The following XPO7 variants were observed in gnomAD, a reference collection of about 807,000 sequenced individuals.
XPO7 encodes exportin 7.
In XPO7, 21 loss-of-function variants were observed where a neutral mutation model predicts 144.3. The ratio of observed to expected loss-of-function variants is 0.15; its 90% CI spans 0.10 to 0.21. XPO7 has a LOEUF of 0.21. Ranked by LOEUF, XPO7 falls within the 10% of genes least tolerant of loss-of-function variation. The pLI, the probability that XPO7 is intolerant of heterozygous loss-of-function variation, is 1.00. For missense variants in XPO7, 808 were observed against 1,325.8 expected, an observed-to-expected ratio of 0.61 and a Z score of 6.06; for synonymous variants, 580 against 499.6, an observed-to-expected ratio of 1.16 and a Z score of -2.15.
chr8:22,005,145 G>T lies in XPO7; in HGVS notation c.*57G>T. ...CGTCCCTTTGGTTTGGCCCAGAGGGGCGAACAATTGCAAGGGAGAGGGCCT... is the reference window on the plus strand; with the variant it reads ...CGTCCCTTTGGTTTGGCCCAGAGGGTCGAACAATTGCAAGGGAGAGGGCCT... On this transcript the variant is annotated 3_prime_UTR_variant, in exon 28 of 28. Transcript: ENST00000252512. 7.1e-7 allele frequency: 1 copy of T among 1,417,766 alleles called. No homozygotes were observed. The highest frequency in any genetic ancestry group is 1.4e-5 in the African/African-American group (1 of 69,422). 87.8% of individuals were successfully genotyped at this position (1,417,766 alleles called of 1,614,324 possible).
intron 1 of XPO7, among the ~76,000 whole-genome samples, chr8:21,945,900 A>C (rs1413888259): frequency 6.6e-6 from 1 of 152,194 alleles, no homozygotes; most frequent in Admixed American, 6.5e-5. Flanking sequence ...TGTTGGGAGT[A>C]GTGAAGTCAA....
intron 13 of XPO7, among the ~76,000 whole-genome samples, chr8:21,986,758 G>A (rs1812593167): frequency 6.6e-6 from 1 of 152,180 alleles, no homozygotes; most frequent in African/African-American, 2.4e-5. Context: ...CTCATGATGT[G>A]TCACAAATAG....
chr8:21,941,665 A>C (rs1056124978), intron 1 of XPO7, among the ~76,000 whole-genome samples: 1 of 152,222 alleles, frequency 6.6e-6, no homozygotes, highest in East Asian at 1.9e-4. Context: ...ACAGAAGGCC[A>C]ATTATATAAG....
intron 1 of XPO7, among the ~76,000 whole-genome samples, chr8:21,947,254 TACTC>T (rs1422169901): frequency 2.6e-5 from 4 of 152,196 alleles, no homozygotes; most frequent in Admixed American, 1.3e-4. Context: ...AGATCACTGT[TACTC>T]AAGAGGGGAG....
intron 1 of XPO7, among the ~76,000 whole-genome samples, chr8:21,929,514 C>T (rs1048140581): frequency 2.0e-5 from 3 of 152,144 alleles, no homozygotes; most frequent in Non-Finnish European, 4.4e-5. Flanking sequence ...AAGAACAAAC[C>T]TTCTAAAATT....
intron 1 of XPO7, among the ~76,000 whole-genome samples, chr8:21,959,903 C>T (rs1377503794): frequency 2.6e-5 from 4 of 152,176 alleles, no homozygotes; most frequent in Middle Eastern, 3.2e-3. Context: ...CAGTATCAAC[C>T]GAACTCTTCT....
At chr8:21,962,187 C>T (rs569124429) in intron 1 of XPO7, among the ~76,000 whole-genome samples, 1 of 152,188 alleles carries the variant, frequency 6.6e-6, no homozygotes, top group Non-Finnish European at 1.5e-5. Context: ...AGCGAGTTTG[C>T]CCTGTGAACT....
chr8:21,984,843 A>T lies in XPO7; in HGVS notation c.1471+4A>T. 6.2e-7 allele frequency: 1 copy of T among 1,613,440 alleles called. No homozygotes were observed. Among genetic ancestry groups the T allele is most frequent in the Non-Finnish European group, 8.5e-7 (1 of 1,179,808 alleles). Reference sequence around the variant, plus strand: ...ATGGACATTGCAGTGCAGGAGGGTGAGTGTGCAGCGTGCTGGGAACTCTAG... The same window carrying T: ...ATGGACATTGCAGTGCAGGAGGGTGTGTGTGCAGCGTGCTGGGAACTCTAG... On this transcript the variant is annotated splice_donor_region_variant and intron_variant, in intron 12 of 27. Transcript: ENST00000252512.
At chr8:22,000,453 ATTTTT>A (rs34272523) in intron 24 of XPO7, among the ~76,000 whole-genome samples, 4 of 128,726 alleles carry the variant, frequency 3.1e-5, no homozygotes, top group Non-Finnish European at 6.4e-5. Context: ...CCTTCCAACA[ATTTTT>A]TTTTTTTTTT....
At chr8:21,980,259 T>G (rs544082426) in intron 9 of XPO7, 56 bp downstream of exon 9, 10 of 1,520,612 alleles carry the variant, frequency 6.6e-6, no homozygotes, top group Non-Finnish European at 8.8e-6. Context: ...CCAGCTGTTA[T>G]GAGTCAGAAG....
intron 5 of XPO7, 56 bp downstream of exon 5, chr8:21,971,997 G>A (rs771936633): frequency 1.3e-6 from 2 of 1,541,348 alleles, no homozygotes; most frequent in Admixed American, 3.3e-5. Flanking sequence ...CTTAGTATTG[G>A]TGTTTTCTGC....
chr8:21,980,277 A>G (rs1812361472), intron 9 of XPO7, 74 bp downstream of exon 9: 1 of 1,477,158 alleles, frequency 6.8e-7, no homozygotes, highest in African/African-American at 1.4e-5. Context: ...AAGGAAATCC[A>G]TCCCAAGGCC....
At chr8:21,926,630 T>C (rs201309070) in intron 1 of XPO7, among the ~76,000 whole-genome samples, 1 of 71,710 alleles carries the variant, frequency 1.4e-5, no homozygotes, top group African/African-American at 2.9e-5. Flanking sequence ...AAAAAGACGT[T>C]GTCTAAAATT....
At chr8:21,974,996 C>G (rs1812180628) in intron 6 of XPO7, among the ~76,000 whole-genome samples, 1 of 152,196 alleles carries the variant, frequency 6.6e-6, no homozygotes, top group Non-Finnish European at 1.5e-5. Context: ...CTCAATTCCC[C>G]TAGGTAAAGA....
At chr8:21,997,050 C>T (rs144077980) in intron 21 of XPO7, among the ~76,000 whole-genome samples, 8 of 152,232 alleles carry the variant, frequency 5.3e-5, no homozygotes, top group African/African-American at 9.6e-5. Flanking sequence ...TGAGGTGATC[C>T]GCCCACTTCA....
chr8:21,979,026 G>A (rs1352225995), intron 8 of XPO7, among the ~76,000 whole-genome samples: 1 of 152,176 alleles, frequency 6.6e-6, no homozygotes, highest in Non-Finnish European at 1.5e-5. Context: ...TAACACAGTG[G>A]GAACAGAGGG....
At chr8:21,949,467 T>C (rs1811300207) in intron 1 of XPO7, among the ~76,000 whole-genome samples, 1 of 152,252 alleles carries the variant, frequency 6.6e-6, no homozygotes, top group Non-Finnish European at 1.5e-5. Flanking sequence ...GCCACTCAGA[T>C]GGAAATTCTT....
chr8:21,930,154 T>C (rs1810596560), intron 1 of XPO7, among the ~76,000 whole-genome samples: 3 of 152,250 alleles, frequency 2.0e-5, no homozygotes, highest in Admixed American at 2.0e-4. Flanking sequence ...CATTCTCTAA[T>C]TGACCAAATG....
At chr8:21,957,125 C>G (rs1306134877) in intron 1 of XPO7, among the ~76,000 whole-genome samples, 1 of 151,632 alleles carries the variant, frequency 6.6e-6, no homozygotes, top group Non-Finnish European at 1.5e-5. Context: ...CTTCCAAACT[C>G]CTGCCTAAAG....
Sources: allele counts gnomAD v4.1 joint callset (sites outside exome capture counted in the v4.1 genomes callset), GRCh38; gene constraint gnomAD v4.1.1; transcripts MANE v1.5; gene names NCBI Gene and HGNC (gene_info 2026-07-23, HGNC 2026-07-21).